Variants in HTR1E observed in about 807,000 individuals in gnomAD.
HTR1E encodes 5-hydroxytryptamine receptor 1E, also known as 5-HT-1E.
Under a neutral mutation model 3.4 loss-of-function variants are expected in HTR1E, and 3 were observed. That is an observed-to-expected ratio of 0.89 (90% CI 0.41 to 2.31). The LOEUF is 2.31. HTR1E is among the 30% of genes most tolerant of loss of function. The pLI is 0.05. For synonymous variants in HTR1E, 170 were observed against 182.8 expected (o/e 0.93, Z 0.56); for missense variants, 392 against 467.0 (o/e 0.84, Z 1.48).
intron 1 of HTR1E, among the ~76,000 whole-genome samples, chr6:86,968,017 C>T (rs1456360493): frequency 6.8e-6 from 1 of 147,228 alleles, no homozygotes; most frequent in Non-Finnish European, 1.5e-5. Flanking sequence ...CATGTTTTTG[C>T]ATATCAATCG....
At chr6:87,003,707 C>A (rs1768057783) in intron 1 of HTR1E, among the ~76,000 whole-genome samples, 1 of 151,500 alleles carries the variant, frequency 6.6e-6, no homozygotes, top group Non-Finnish European at 1.5e-5. Flanking sequence ...ATGTCTTATA[C>A]AACTAGAAAA....
chr6:86,957,846 A>G (rs1385524005), intron 1 of HTR1E, among the ~76,000 whole-genome samples: 4 of 152,202 alleles, frequency 2.6e-5, no homozygotes, highest in African/African-American at 7.2e-5. Context: ...ATGCATGGGC[A>G]AAAGCCTACA....
intron 1 of HTR1E, among the ~76,000 whole-genome samples, chr6:86,942,331 T>C (rs541421831): frequency 1.3e-5 from 2 of 152,332 alleles, no homozygotes; most frequent in East Asian, 3.9e-4. Flanking sequence ...AAACAAGAAT[T>C]GTATACTTAC....
intron 1 of HTR1E, among the ~76,000 whole-genome samples, chr6:87,010,020 C>T (rs1197808414): frequency 6.1e-5 from 8 of 131,476 alleles, no homozygotes; most frequent in Non-Finnish European, 1.1e-4. Flanking sequence ...GCTGACCCCC[C>T]CACCTCCCTC....
At chr6:86,941,508 T>G (rs1768545736) in intron 1 of HTR1E, among the ~76,000 whole-genome samples, 1 of 152,234 alleles carries the variant, frequency 6.6e-6, no homozygotes, top group African/African-American at 2.4e-5. Context: ...TTAATAGGTT[T>G]ATTGTTAGCA....
At chr6:87,003,305 A>AG (rs1361465866) in intron 1 of HTR1E, among the ~76,000 whole-genome samples, 1 of 152,210 alleles carries the variant, frequency 6.6e-6, no homozygotes, top group Non-Finnish European at 1.5e-5. Context: ...TGGGAGGCCA[A>AG]GGCTGGTGGA....
At chr6:87,009,270 A>G (rs1768164519) in intron 1 of HTR1E, among the ~76,000 whole-genome samples, 1 of 149,632 alleles carries the variant, frequency 6.7e-6, no homozygotes, top group Non-Finnish European at 1.5e-5. Context: ...ACTCTTAACG[A>G]GCATGCTGCC....
chr6:87,014,125 G>C (rs1768280372), intron 1 of HTR1E, among the ~76,000 whole-genome samples: 1 of 152,014 alleles, frequency 6.6e-6, no homozygotes, highest in African/African-American at 2.4e-5. Context: ...TCGGGGGACG[G>C]GGGAGTGATA....
At chr6:87,007,966 A>C (rs914953835) in intron 1 of HTR1E, among the ~76,000 whole-genome samples, 1 of 152,184 alleles carries the variant, frequency 6.6e-6, no homozygotes, top group Non-Finnish European at 1.5e-5. Flanking sequence ...ACTTGTCAAA[A>C]AGCAACATTA....
At chr6:87,012,086 G>A (rs926675006) in intron 1 of HTR1E, among the ~76,000 whole-genome samples, 2 of 148,948 alleles carry the variant, frequency 1.3e-5, no homozygotes, top group East Asian at 2.0e-4. Context: ...TTTCCTAAGC[G>A]TGTTACGGAA....
intron 1 of HTR1E, among the ~76,000 whole-genome samples, chr6:86,959,710 G>A (rs1767379896): frequency 6.6e-6 from 1 of 152,142 alleles, no homozygotes. Flanking sequence ...AACAGACATT[G>A]TGTGAGAAAG....
At chr6:86,996,465 T>C (rs1335182438) in intron 1 of HTR1E, among the ~76,000 whole-genome samples, 2 of 143,562 alleles carry the variant, frequency 1.4e-5, no homozygotes, top group Admixed American at 7.4e-5. Flanking sequence ...TGACAAACCT[T>C]ATAACTGACA....
At chr6:86,958,937 CGTGTGTGTGT>C (rs55871033) in intron 1 of HTR1E, among the ~76,000 whole-genome samples, 4,268 of 140,064 alleles carry the variant, frequency 0.03, 82 homozygotes, top group African/African-American at 0.053. Flanking sequence ...ACCAATTGCA[CGTGTGTGTGT>C]GTGTGTGTGT....
chr6:86,961,941 A>G (rs1447747273), intron 1 of HTR1E, among the ~76,000 whole-genome samples: 1 of 152,064 alleles, frequency 6.6e-6, no homozygotes, highest in Non-Finnish European at 1.5e-5. Flanking sequence ...GTTACTCCAG[A>G]TTTTCTTAGC....
intron 1 of HTR1E, among the ~76,000 whole-genome samples, chr6:86,969,175 A>AC (rs1352446880): frequency 5.3e-5 from 8 of 152,148 alleles, no homozygotes; most frequent in Non-Finnish European, 1.2e-4. Context: ...ATGGTTGATA[A>AC]TAACCTACTG....
chr6:87,013,133 A>G (rs565323553), intron 1 of HTR1E, among the ~76,000 whole-genome samples: 13 of 152,222 alleles, frequency 8.5e-5, no homozygotes, highest in Non-Finnish European at 1.6e-4. Flanking sequence ...TGGATGAGAA[A>G]GAGATTCTTG....
Position 87,010,226 on chromosome 6 carries a change from G to A in HTR1E, c.-185-4924G>A, listed in dbSNP as rs1320821689. ...TCCCTCCCGGATGGGGTGGCTGGCC[G>A]GGCTGAGGGGCTCCTCACTTCTCAG... On this transcript the variant is annotated intron_variant, in intron 1 of 1. Transcript: ENST00000305344. Among the ~76,000 whole-genome samples, 59 of 104,612 alleles carry A rather than the reference G, an allele frequency of 5.6e-4. 3 individuals carry two copies. Among genetic ancestry groups the A allele is most frequent in the African/African-American group, 2.2e-3 (52 of 23,116 alleles). 68.6% of individuals were successfully genotyped at this position (104,612 alleles called of 152,430 possible). A position where few individuals can be genotyped will look rare whatever the true frequency, so the allele number is the denominator to read the frequency against.
chr6:87,008,316 TTCA>T (rs1304078499), intron 1 of HTR1E, among the ~76,000 whole-genome samples: 3 of 152,104 alleles, frequency 2.0e-5, no homozygotes, highest in Non-Finnish European at 4.4e-5. Flanking sequence ...GAAAAGTATT[TTCA>T]AAGACTGAGA....
intron 1 of HTR1E, among the ~76,000 whole-genome samples, chr6:86,965,727 C>A (rs1365404895): frequency 6.6e-6 from 1 of 152,044 alleles, no homozygotes; most frequent in African/African-American, 2.4e-5. Context: ...TATGGTCTTC[C>A]TTATTCTAAG....
Sources: allele counts gnomAD v4.1 joint callset (sites outside exome capture counted in the v4.1 genomes callset), GRCh38; gene constraint gnomAD v4.1.1; transcripts MANE v1.5; gene names NCBI Gene and HGNC (gene_info 2026-07-23, HGNC 2026-07-21).